The following CAST variants were observed in gnomAD, a reference collection of about 807,000 sequenced individuals.
The protein encoded by CAST is calpastatin.
Under a neutral mutation model 119.6 loss-of-function variants are expected in CAST, and 76 were observed. The ratio of observed to expected loss-of-function variants is 0.64; its 90% CI spans 0.53 to 0.77. The LOEUF is 0.77. Among genes scored for constraint, CAST ranks in the 30% least tolerant of loss-of-function variants. The probability of loss-of-function intolerance (pLI) is 0.00; values close to 1 mark genes in which losing one functional copy is unlikely to be tolerated. For synonymous variants in CAST, 319 were observed against 331.6 expected, an observed-to-expected ratio of 0.96 and a Z score of 0.41; for missense variants, 953 against 946.5, an observed-to-expected ratio of 1.01 and a Z score of -0.09.
At chr5:96,012,061 C>A in the CAST span, among the ~76,000 whole-genome samples, 3 of 152,172 alleles carry the variant, frequency 2.0e-5, no homozygotes, top group South Asian at 6.2e-4. Flanking sequence ...TTAAAAACAA[C>A]TAATGAAAAA....
chr5:96,339,933 G>A, the CAST span, among the ~76,000 whole-genome samples: 79 of 152,252 alleles, frequency 5.2e-4, no homozygotes, highest in Non-Finnish European at 9.7e-4. Flanking sequence ...TAGGTGGAAA[G>A]AGACAAAGTG....
rs1554068075 is a variant in CAST, at chr5:96,565,077, G to GGGGTGTGT, written c.60+35198_60+35199insGGTGTGTG. Reference sequence around the variant, plus strand: ...TTAAAGTATAAAAACACATGGGAAAGGTGTGTGTGTGTGTGTGTGTGTGTG... The same window carrying GGGGTGTGT: ...TTAAAGTATAAAAACACATGGGAAAGGGGTGTGTGTGTGTGTGTGTGTGTGTGTGTGTG... On this transcript the variant is annotated intron_variant, in intron 1 of 11. Coordinates refer to the CAST transcript ENST00000505143. Among the ~76,000 whole-genome samples the GGGGTGTGT allele has an allele frequency of 5.4e-5, 8 of 148,750 alleles. No individual in the cohort carries two copies. In the South Asian group the frequency reaches 1.3e-3, roughly 24 times the overall value.
At chr5:96,069,383 C>G in the CAST span, among the ~76,000 whole-genome samples, 199 of 44,748 alleles carry the variant, frequency 4.4e-3, 1 homozygote, top group African/African-American at 0.015. Context: ...GTGTGTGTGT[C>G]TATGTGTGTG....
chr5:96,542,204 G>A (rs1745925963), intron 1 of CAST, among the ~76,000 whole-genome samples: 1 of 151,936 alleles, frequency 6.6e-6, no homozygotes, highest in South Asian at 2.1e-4. Flanking sequence ...CAACTACTCA[G>A]GAGGCTGAGG....
chr5:96,690,653 A>G (rs1403857295), intron 2 of CAST, among the ~76,000 whole-genome samples: 2 of 152,248 alleles, frequency 1.3e-5, no homozygotes, highest in African/African-American at 4.8e-5. Context: ...ACACATTTAT[A>G]CTTCTTTTGG....
chr5:96,339,821 C>T, the CAST span, among the ~76,000 whole-genome samples: 4 of 152,246 alleles, frequency 2.6e-5, no homozygotes, highest in Admixed American at 2.6e-4. Context: ...CCCAAAGCTG[C>T]AGAGAACACA....
chr5:96,301,086 C>T, the CAST span, among the ~76,000 whole-genome samples: 5 of 152,048 alleles, frequency 3.3e-5, no homozygotes, highest in Non-Finnish European at 5.9e-5. Flanking sequence ...CCAGGCTGTA[C>T]ATGAAACATG....
chr5:96,539,260 T>C (rs1745873828), intron 1 of CAST, among the ~76,000 whole-genome samples: 1 of 152,216 alleles, frequency 6.6e-6, no homozygotes, highest in Non-Finnish European at 1.5e-5. Context: ...GAGCCTATTC[T>C]AATGGGTAAT....
At chr5:96,081,116 A>G in the CAST span, among the ~76,000 whole-genome samples, 6 of 152,354 alleles carry the variant, frequency 3.9e-5, no homozygotes, top group Non-Finnish European at 8.8e-5. Flanking sequence ...TCCAGAGGAC[A>G]GAAAGTTCTT....
At chr5:96,707,394 T>G (rs1474905135) in intron 3 of CAST, among the ~76,000 whole-genome samples, 1 of 149,672 alleles carries the variant, frequency 6.7e-6, no homozygotes, top group Non-Finnish European at 1.5e-5. Flanking sequence ...TAGTTAACCT[T>G]TTTTTTTTTT....
chr5:96,127,107 T>A, the CAST span, among the ~76,000 whole-genome samples: 2 of 152,108 alleles, frequency 1.3e-5, no homozygotes, highest in Admixed American at 1.3e-4. Context: ...TTAGCATTAT[T>A]ATCAAAAGTC....
chr5:96,628,528 G>A (rs1358180099), intron 1 of CAST, among the ~76,000 whole-genome samples: 2 of 152,148 alleles, frequency 1.3e-5, no homozygotes, highest in Non-Finnish European at 2.9e-5. Context: ...TTAAGAATCT[G>A]GGGGGCTGGG....
At chr5:96,325,551 C>T in the CAST span, among the ~76,000 whole-genome samples, 12 of 151,708 alleles carry the variant, frequency 7.9e-5, no homozygotes, top group African/African-American at 1.5e-4. Flanking sequence ...GTGATCTGAG[C>T]TCACTGAAAT....
At chr5:96,534,742 A>G (rs1561408842) in intron 1 of CAST, among the ~76,000 whole-genome samples, 1,798 of 29,066 alleles carry the variant, frequency 0.062, 10 homozygotes, top group East Asian at 0.21. Flanking sequence ...AGAGAGAGAG[A>G]AAGAAAGAAA....
chr5:96,531,452 A>C (rs995891651), intron 1 of CAST, among the ~76,000 whole-genome samples: 5 of 151,352 alleles, frequency 3.3e-5, no homozygotes, highest in Non-Finnish European at 7.4e-5. Flanking sequence ...CTCCATAGAA[A>C]CTGAGACCTA....
At chr5:96,445,296 G>A in the CAST span, among the ~76,000 whole-genome samples, 1 of 152,170 alleles carries the variant, frequency 6.6e-6, no homozygotes, top group South Asian at 2.1e-4. Flanking sequence ...ACACACCATG[G>A]TGGTGTGTAC....
At chr5:96,478,558 C>T in the CAST span, among the ~76,000 whole-genome samples, 2 of 152,258 alleles carry the variant, frequency 1.3e-5, no homozygotes, top group Non-Finnish European at 2.9e-5. Context: ...CACCCTTTCA[C>T]TCTTTGCTCT....
At chr5:95,976,139 A>G in the CAST span, among the ~76,000 whole-genome samples, 1 of 151,548 alleles carries the variant, frequency 6.6e-6, no homozygotes, top group Non-Finnish European at 1.5e-5. Context: ...TGAAAATCCC[A>G]TCAAATACAA....
chr5:96,093,913 A>G, the CAST span, among the ~76,000 whole-genome samples: 8 of 152,174 alleles, frequency 5.3e-5, no homozygotes, highest in Non-Finnish European at 1.0e-4. Context: ...CCTGAACTCC[A>G]TTCCCTGCAA....
Sources: gnomAD v4.1 joint callset for allele counts (sites outside exome capture counted in the v4.1 genomes callset) on GRCh38, gnomAD v4.1.1 for gene constraint, MANE v1.5 for transcripts, NCBI Gene and HGNC (gene_info 2026-07-23, HGNC 2026-07-21) for gene names.